The following OPCML variants were observed in gnomAD, a reference collection of about 807,000 sequenced individuals.
OPCML encodes opioid-binding protein/cell adhesion molecule.
Under a neutral mutation model 37.8 loss-of-function variants are expected in OPCML, and 13 were observed. The observed-to-expected ratio is 0.34, with a 90% CI of 0.22 to 0.55. The LOEUF (loss-of-function observed/expected upper bound fraction) is 0.55, where lower values mean the gene tolerates loss of function less well. OPCML is among the 20% of genes least tolerant of loss of function. The pLI, the probability that OPCML is intolerant of heterozygous loss-of-function variation, is 0.91. For synonymous variants in OPCML, 176 were observed against 168.8 expected (o/e 1.04, Z -0.33); for missense variants, 341 against 435.6 (o/e 0.78, Z 1.93).
chr11:132,960,570 A>G (rs1027836293), intron 1 of OPCML, among the ~76,000 whole-genome samples: 8 of 151,818 alleles, frequency 5.3e-5, no homozygotes, highest in Non-Finnish European at 1.2e-4. Context: ...CTTCTGCTCT[A>G]TTTTCCACCA....
intron 1 of OPCML, among the ~76,000 whole-genome samples, chr11:133,027,748 ATGTGTTTGACGTGTGG>A (rs1467775365): frequency 0.017 from 6 of 344 alleles, no homozygotes; most frequent in African/African-American, 0.071. Context: ...GTGTGGTGTG[ATGTGTTTGACGTGTGG>A]TGTGTATGTG....
intron 4 of OPCML, among the ~76,000 whole-genome samples, chr11:132,469,659 T>TG (rs1325653704): frequency 8.6e-6 from 1 of 115,822 alleles, no homozygotes; most frequent in Non-Finnish European, 1.7e-5. Context: ...TGTATGTGTG[T>TG]GGGGGTGTAT....
intron 1 of OPCML, chr11:133,300,141 AG>A (rs1169251687): frequency 2.6e-5 from 4 of 152,224 alleles, no homozygotes; most frequent in Non-Finnish European, 4.4e-5. Flanking sequence ...TCAGAAGCAG[AG>A]CATCAGAAAT....
At position 133,431,310 on chromosome 11, in the gene OPCML, T is replaced by C. The variant is rs187862265; in HGVS notation, c.61+100954A>G. 4.7e-3 allele frequency among the ~76,000 whole-genome samples: 710 copies of C among 152,332 alleles called. 2 individuals are homozygous for C. The highest frequency in any genetic ancestry group is 6.3e-3 in the Non-Finnish European group (430 of 68,032). ...TCAATTGAGAAAAGATGCAAAACTA[T>C]ATGTATTGTATGAATCTCAATTTAT... On this transcript the variant is annotated intron_variant, in intron 1 of 7. Transcript: ENST00000524381.
intron 1 of OPCML, among the ~76,000 whole-genome samples, chr11:133,375,397 A>G (rs1944780864): frequency 6.6e-6 from 1 of 152,242 alleles, no homozygotes; most frequent in Admixed American, 6.5e-5. Flanking sequence ...TCACAGGTAA[A>G]GGGGAAGAAT....
intron 2 of OPCML, chr11:132,771,791 G>A (rs1409866037): frequency 6.6e-6 from 1 of 152,218 alleles, no homozygotes; most frequent in Non-Finnish European, 1.5e-5. Flanking sequence ...TTCTGCACAA[G>A]AAACCATCTC....
At chr11:133,413,703 C>A (rs1451228258) in intron 1 of OPCML, among the ~76,000 whole-genome samples, 1 of 152,082 alleles carries the variant, frequency 6.6e-6, no homozygotes, top group East Asian at 1.9e-4. Context: ...TCCTTAACTC[C>A]AAGCCTGGGG....
intron 2 of OPCML, among the ~76,000 whole-genome samples, chr11:132,774,445 A>G (rs1263827997): frequency 6.6e-6 from 1 of 152,180 alleles, no homozygotes; most frequent in African/African-American, 2.4e-5. Context: ...AGTGTTACAA[A>G]TGATGAAGTG....
At chr11:132,612,889 G>C (rs766526425) in intron 3 of OPCML, among the ~76,000 whole-genome samples, 8 of 152,130 alleles carry the variant, frequency 5.3e-5, no homozygotes, top group Non-Finnish European at 1.2e-4. Flanking sequence ...AGCCATAAAT[G>C]CTCCATAAGT....
chr11:132,876,626 C>G (rs1185009306), intron 2 of OPCML, among the ~76,000 whole-genome samples: 2 of 152,256 alleles, frequency 1.3e-5, no homozygotes, highest in East Asian at 3.9e-4. Flanking sequence ...CTGGCTTATT[C>G]TATTAAGCAG....
In OPCML at chr11:132,927,670, C is replaced by T. The variant is rs531869918; in HGVS notation, c.146+15256G>A. The stretch of plus-strand genomic sequence containing the variant: ...CTCTGGTAAATATAATATATGGACA[C>T]CTACCAAAAAACCTGTATTATTGTC... On this transcript the variant is annotated intron_variant, in intron 2 of 7. Transcript: ENST00000524381. Among the ~76,000 whole-genome samples, 16 of 152,016 alleles carry T rather than the reference C, an allele frequency of 1.1e-4. No homozygotes were observed. In the East Asian group the frequency reaches 3.1e-3, roughly 29 times the overall value.
chr11:132,476,862 T>TA (rs916148255), intron 4 of OPCML, among the ~76,000 whole-genome samples: 3 of 151,930 alleles, frequency 2.0e-5, no homozygotes, highest in East Asian at 1.9e-4. Flanking sequence ...TAAAAAAAAT[T>TA]AAAAAAAGTG....
intron 4 of OPCML, among the ~76,000 whole-genome samples, chr11:132,500,381 T>A (rs1592272132): frequency 6.6e-6 from 1 of 152,242 alleles, no homozygotes; most frequent in East Asian, 1.9e-4. Flanking sequence ...TTAGTCAAAA[T>A]TTGGAAACAC....
chr11:133,295,550 A>G (rs1163568359), intron 1 of OPCML, among the ~76,000 whole-genome samples: 1 of 152,222 alleles, frequency 6.6e-6, no homozygotes. Flanking sequence ...GGGAAAAACA[A>G]TGCATTGTTT....
intron 2 of OPCML, among the ~76,000 whole-genome samples, chr11:132,688,045 G>A (rs1943239951): frequency 6.6e-6 from 1 of 152,092 alleles, no homozygotes; most frequent in South Asian, 2.1e-4. Flanking sequence ...TCCGGGAAAT[G>A]ACGATTCTAT....
At chr11:132,641,943 G>A (rs1209355238) in intron 3 of OPCML, among the ~76,000 whole-genome samples, 3 of 152,198 alleles carry the variant, frequency 2.0e-5, no homozygotes, top group East Asian at 1.9e-4. Flanking sequence ...AGGAGGTGAT[G>A]GAGATGTGTG....
intron 1 of OPCML, among the ~76,000 whole-genome samples, chr11:133,245,477 T>C (rs1259190266): frequency 6.6e-6 from 1 of 152,168 alleles, no homozygotes; most frequent in Admixed American, 6.5e-5. Flanking sequence ...GCTTTTGCCG[T>C]TGTTGTAGAA....
chr11:133,331,026 T>A (rs1418137639), intron 1 of OPCML, among the ~76,000 whole-genome samples: 1 of 152,208 alleles, frequency 6.6e-6, no homozygotes, highest in Non-Finnish European at 1.5e-5. Context: ...AGGGTGTCCC[T>A]CTATCTGCTT....
intron 1 of OPCML, among the ~76,000 whole-genome samples, chr11:133,282,963 C>T (rs555722726): frequency 1.3e-5 from 2 of 152,308 alleles, no homozygotes; most frequent in African/African-American, 4.8e-5. Flanking sequence ...ATGCCTATAT[C>T]ATCATTGTGA....
Sources: gnomAD v4.1 joint callset for allele counts (sites outside exome capture counted in the v4.1 genomes callset) on GRCh38, gnomAD v4.1.1 for gene constraint, MANE v1.5 for transcripts, NCBI Gene and HGNC (gene_info 2026-07-23, HGNC 2026-07-21) for gene names.